The following FIGNL2 variants were observed in gnomAD, a reference collection of about 807,000 sequenced individuals.
FIGNL2 encodes fidgetin-like protein 2.
For synonymous variants in FIGNL2, 565 were observed against 484.0 expected, an observed-to-expected ratio of 1.17 and a Z score of -2.20; for missense variants, 1,060 against 950.2, an observed-to-expected ratio of 1.12 and a Z score of -1.52.
Position 51,818,687 on chromosome 12 carries a change from AC to A in FIGNL2, c.*1764del, listed in dbSNP as rs1446890967. 1 of 152,230 alleles carries A rather than the reference AC, an allele frequency of 6.6e-6. No individual in the cohort carries two copies. The highest frequency in any genetic ancestry group is 2.4e-5 in the African/African-American group (1 of 41,382). 9.4% of individuals were successfully genotyped at this position (152,230 alleles called of 1,614,324 possible). ...TAGGAAATGCACGGGCAGGCAAGGA[AC>A]TGCACAGGAGGCTGAGATGGGAGAG... On this transcript the variant is annotated 3_prime_UTR_variant, in exon 2 of 2. Transcript: ENST00000618634.
chr12:51,847,827 G>A (rs1213425457), intron 1 of FIGNL2: 1 of 985,116 alleles, frequency 1.0e-6, no homozygotes, highest in Non-Finnish European at 1.2e-6. Flanking sequence ...CGGTGGGGAA[G>A]TTTGAGGGGC....
chr12:51,841,862 C>G (rs1175297429), intron 1 of FIGNL2: 1 of 152,180 alleles, frequency 6.6e-6, no homozygotes, highest in Non-Finnish European at 1.5e-5. Context: ...CTGCACAGCC[C>G]CTCCTCCCCT....
chr12:51,840,679 G>A (rs1249203082), intron 1 of FIGNL2, among the ~76,000 whole-genome samples: 1 of 149,936 alleles, frequency 6.7e-6, no homozygotes, highest in Non-Finnish European at 1.5e-5. Context: ...AGGTTGTGGT[G>A]AGCCGAGATC....
chr12:51,846,288 G>A (rs147364870), intron 1 of FIGNL2, among the ~76,000 whole-genome samples: 63 of 152,360 alleles, frequency 4.1e-4, no homozygotes, highest in Admixed American at 7.8e-4. Context: ...GAAGCTCGGG[G>A]CTGGGGAGGT....
At chr12:51,844,140 A>T (rs562459784) in intron 1 of FIGNL2, among the ~76,000 whole-genome samples, 1 of 152,280 alleles carries the variant, frequency 6.6e-6, no homozygotes, top group East Asian at 1.9e-4. Context: ...CCATTTTAGA[A>T]ATGATGAAAT....
At chr12:51,842,982 T>C (rs977947036) in intron 1 of FIGNL2, among the ~76,000 whole-genome samples, 8 of 152,226 alleles carry the variant, frequency 5.3e-5, no homozygotes, top group South Asian at 2.1e-4. Flanking sequence ...CTCACAGCCA[T>C]GATACATGCT....
intron 1 of FIGNL2, among the ~76,000 whole-genome samples, chr12:51,826,473 C>CA (rs34534453): frequency 0.1 from 13,273 of 131,790 alleles, 839 homozygotes; most frequent in East Asian, 0.36. Flanking sequence ...ACTAAAAATA[C>CA]AAAAAAAAAA....
chr12:51,834,097 G>T (rs58809329), intron 1 of FIGNL2, among the ~76,000 whole-genome samples: 83 of 88,062 alleles, frequency 9.4e-4, no homozygotes, highest in East Asian at 7.4e-3. Flanking sequence ...AGACGGATGG[G>T]TGGATGGATG....
Position 51,820,304 on chromosome 12 carries a change from A to G in FIGNL2, c.*148T>C. 1 of 1,090,040 alleles carries G rather than the reference A, an allele frequency of 9.2e-7. No homozygotes were observed. The highest frequency in any genetic ancestry group is 1.6e-5 in the South Asian group (1 of 60,782). The allele number at this position is 1,090,040 out of a possible 1,614,324, so 67.5% of individuals were successfully genotyped here. ...AAGCATTTTCCTTCCCACGAAAAAA[A>G]AAATATCCACCGGCAGACCCCTCCT... On this transcript the variant is annotated 3_prime_UTR_variant, in exon 2 of 2. Coordinates refer to ENST00000618634, the MANE Select transcript of FIGNL2 (RefSeq NM_001384995.1).
In FIGNL2 at chr12:51,822,355, T is replaced by A. The variant is rs371734110; in HGVS notation, c.59A>T (p.Asp20Val). 28 of 1,613,564 alleles carry A rather than the reference T, an allele frequency of 1.7e-5. No homozygotes were observed. Among genetic ancestry groups the A allele is most frequent in the Non-Finnish European group, 2.4e-5 (28 of 1,179,798 alleles). The change falls in exon 2 of 2, where the codon GAC becomes GTC. Residue 20 changes from aspartate (D) to valine (V), a missense_variant. Asp to Val is a radical substitution (Grantham distance 152, BLOSUM62 -3). Transcript: ENST00000618634. Reference sequence around the variant, plus strand: ...CGGCGACGGGGTGGTGGAGGAGACGTCCAGGTGCTGCTCTGGCCACTGGTT... The same window carrying A: ...CGGCGACGGGGTGGTGGAGGAGACGACCAGGTGCTGCTCTGGCCACTGGTT... ...PLNQWPEQHLDVSSTTPSPAH... is the reference protein window; with the variant it reads ...PLNQWPEQHLVVSSTTPSPAH...
intron 1 of FIGNL2, among the ~76,000 whole-genome samples, chr12:51,838,848 G>A (rs1939617570): frequency 6.6e-6 from 1 of 152,108 alleles, no homozygotes; most frequent in South Asian, 2.1e-4. Flanking sequence ...ACATAATCCT[G>A]GAGCTGCCTG....
chr12:51,844,918 C>T (rs972526452), intron 1 of FIGNL2: 1 of 978,006 alleles, frequency 1.0e-6, no homozygotes, highest in Non-Finnish European at 1.2e-6. Context: ...GGAGTGAGCA[C>T]TGAGTGGGGA....
chr12:51,845,335 G>A (rs1246459902), intron 1 of FIGNL2: 2 of 365,222 alleles, frequency 5.5e-6, no homozygotes, highest in African/African-American at 2.2e-5. Context: ...ACACCACAGA[G>A]CCTGGCAGGG....
intron 1 of FIGNL2, chr12:51,845,462 C>CA: frequency 1.2e-6 from 1 of 812,268 alleles, no homozygotes; most frequent in African/African-American, 4.9e-5. Flanking sequence ...GGCTCACCGC[C>CA]CCCCCCCCAC....
chr12:51,838,537 A>T (rs1237660384), intron 1 of FIGNL2, among the ~76,000 whole-genome samples: 1 of 152,106 alleles, frequency 6.6e-6, no homozygotes, highest in Non-Finnish European at 1.5e-5. Context: ...CAGGTATTGC[A>T]GGGAGTGAGC....
Position 51,820,210 on chromosome 12 carries a change from G to A in FIGNL2, c.*242C>T. On this transcript the variant is annotated 3_prime_UTR_variant, in exon 2 of 2. Coordinates refer to ENST00000618634, the MANE Select transcript of FIGNL2 (RefSeq NM_001384995.1). ...TCTGCCCGGTCTGCCGGGCGGAGAT[G>A]GCGAGCTTCCAGTCCACAATAAATA... 1.9e-6 allele frequency: 1 copy of A among 527,548 alleles called. No homozygotes were observed. Among genetic ancestry groups the A allele is most frequent in the Non-Finnish European group, 3.3e-6 (1 of 305,186 alleles). 32.7% of individuals were successfully genotyped at this position (527,548 alleles called of 1,614,324 possible).
chr12:51,831,213 A>G (rs552433805), intron 1 of FIGNL2, among the ~76,000 whole-genome samples: 4 of 152,350 alleles, frequency 2.6e-5, no homozygotes, highest in African/African-American at 9.6e-5. Context: ...TAAAAAAGAA[A>G]AAAAGAGGAA....
rs138534394 is a variant in FIGNL2, at chr12:51,836,362, G to A, written c.-12+12178C>T. On this transcript the variant is annotated intron_variant, in intron 1 of 1. Coordinates refer to ENST00000618634, the MANE Select transcript of FIGNL2 (RefSeq NM_001384995.1). ...CTGCTCAACACCCCTCCCCCACCCC[G>A]CCCACCATCCTCATCCTCATCCAAT... Among the ~76,000 whole-genome samples, 175 of 136,762 alleles carry A rather than the reference G, an allele frequency of 1.3e-3. No homozygotes were observed. In the East Asian group the frequency reaches 0.03, roughly 23 times the overall value. 89.7% of individuals were successfully genotyped at this position (136,762 alleles called of 152,430 possible).
Position 51,820,475 on chromosome 12 carries a change from T to C in FIGNL2, c.1939A>G (p.Lys647Glu). The C allele has an allele frequency of 6.3e-7, 1 of 1,590,902 alleles. No individual in the cohort carries two copies. The highest frequency in any genetic ancestry group is 8.5e-7 in the Non-Finnish European group (1 of 1,176,226). The change falls in exon 2 of 2, where the codon AAA becomes GAA. Residue 647 changes from lysine to glutamate, a missense_variant. Transcript: ENST00000618634. ...KELDSFVEWD[K>E]MYGSGH is the part of the protein sequence containing the mutation. ...CGTCAGTGTCCGGAGCCGTACATTT[T>C]GTCCCACTCCACGAACGAGTCCAGT...
Sources: gnomAD v4.1 joint callset for allele counts (sites outside exome capture counted in the v4.1 genomes callset) on GRCh38, gnomAD v4.1.1 for gene constraint, MANE v1.5 for transcripts, NCBI Gene and HGNC (gene_info 2026-07-23, HGNC 2026-07-21) for gene names.